The following KISS1 variants were observed in gnomAD, a reference collection of about 807,000 sequenced individuals.
KISS1 encodes KiSS-1 metastasis suppressor, also known as metastasis-suppressor KiSS-1.
For synonymous variants in KISS1, 97 were observed against 88.7 expected (o/e 1.09, Z -0.52); for missense variants, 182 against 182.7 (o/e 1.00, Z 0.02).
intron 1 of KISS1, among the ~76,000 whole-genome samples, chr1:204,193,558 A>G (rs924728211): frequency 3.3e-5 from 5 of 152,194 alleles, no homozygotes; most frequent in African/African-American, 1.2e-4. Context: ...AGAGGCAATC[A>G]TCTTGCTCTC....
intron 1 of KISS1, among the ~76,000 whole-genome samples, chr1:204,194,367 A>G (rs761757334): frequency 8.5e-5 from 13 of 152,218 alleles, no homozygotes; most frequent in Non-Finnish European, 1.5e-4. Flanking sequence ...TTCTGCATTT[A>G]CCTTAAGGCC....
In KISS1 at chr1:204,192,676, T is replaced by G; in HGVS notation, c.103+98A>C. On this transcript the variant is annotated intron_variant, in intron 2 of 2. Coordinates refer to ENST00000367194, the MANE Select transcript of KISS1 (RefSeq NM_002256.4). This position sits in a 1 kb window ranked among gnomAD's most constrained non-coding sequence, Gnocchi z 4.2. ...TCTTAGATTTCCACCAAATGCAATG[T>G]TAAACTCACACCAGTCGACTAGATG... is the stretch of plus-strand genomic sequence containing the variant. The G allele has an allele frequency of 1.3e-6, 1 of 776,496 alleles. No homozygotes were observed. The highest frequency in any genetic ancestry group is 1.5e-5 in the South Asian group (1 of 68,052). 48.1% of individuals were successfully genotyped at this position (776,496 alleles called of 1,614,324 possible).
Position 204,191,850 on chromosome 1 carries a change from T to C in KISS1, c.103+924A>G, listed in dbSNP as rs73071918. On this transcript the variant is annotated intron_variant, in intron 2 of 2. Transcript: ENST00000367194. The stretch of plus-strand genomic sequence containing the variant: ...AGTAAATCACTGTTCAGGCTGCTGT[T>C]GGTGACCTCACCTAAAGCCTTTTGC... Among the ~76,000 whole-genome samples the C allele has an allele frequency of 3.4e-3, 524 of 152,320 alleles. 1 individual carries two copies. The highest frequency in any genetic ancestry group is 0.012 in the African/African-American group (505 of 41,572).
rs1658760349 is a variant in KISS1 at position 204,192,431 on chromosome 1, G to T, written c.103+343C>A. On this transcript the variant is annotated intron_variant, in intron 2 of 2. Transcript: ENST00000367194. This position sits in a 1 kb window ranked among gnomAD's most constrained non-coding sequence, Gnocchi z 4.2. ...CCAAATTCTCCACAAAGAATCTGAGGTCACCGATAAAGCAAGGTTGCATAT... is the reference window on the plus strand; with the variant it reads ...CCAAATTCTCCACAAAGAATCTGAGTTCACCGATAAAGCAAGGTTGCATAT... Among the ~76,000 whole-genome samples the T allele has an allele frequency of 6.6e-6, 1 of 151,592 alleles. No homozygotes were observed. The highest frequency in any genetic ancestry group is 1.5e-5 in the Non-Finnish European group (1 of 67,958).
chr1:204,190,585 C>T lies in KISS1; in HGVS notation c.316G>A (p.Glu106Lys), dbSNP rs1470000470. 1.5e-5 allele frequency: 24 copies of T among 1,601,100 alleles called. No individual in the cohort carries two copies. The highest frequency in any genetic ancestry group is 1.7e-5 in the Non-Finnish European group (20 of 1,174,450). ...APQGAVLVQR[E>K]KDLPNYNWNS... ...CAGTTGTAGTTCGGCAGGTCCTTCT[C>T]CCGCTGCACCAGCACCGCGCCCTGG... Residue 106 changes from glutamate to lysine, a missense_variant, in exon 3 of 3, where the codon GAG becomes AAG. Glu to Lys is a moderately conservative substitution (Grantham distance 56). Coordinates refer to ENST00000367194, the MANE Select transcript of KISS1 (RefSeq NM_002256.4).
In KISS1 at chr1:204,190,649, C is replaced by T. The variant is rs755384119; in HGVS notation, c.252G>A (p.Pro84=). The T allele has an allele frequency of 8.8e-6, 14 of 1,583,984 alleles. No individual in the cohort carries two copies. The highest frequency in any genetic ancestry group is 1.1e-5 in the Non-Finnish European group (13 of 1,165,774). ...PPESSGSPQQ[P]GLSAPHSRQI... ...GGCGGCTGTGGGGGGCGGACAGGCC[C>T]GGCTGCTGGGGGCTCCCGGAGCTCT... Residue 84 remains proline, a synonymous_variant, in exon 3 of 3, where the codon CCG becomes CCA. Transcript: ENST00000367194.
Position 204,196,432 on chromosome 1 carries a change from C to G in KISS1, c.-95G>C, listed in dbSNP as rs1248317860. The G allele has an allele frequency of 2.0e-5, 3 of 152,352 alleles. No individual in the cohort carries two copies. The allele number at this position is 152,352 out of a possible 1,614,324, so 9.4% of individuals were successfully genotyped here. A position where few individuals can be genotyped will look rare whatever the true frequency, so the allele number is the denominator to read the frequency against. ...GGCGGAGCCTCTGAGGTGACGAGAC[C>G]ACCTGGCTGGGTGAATGTCCAGAGG... On this transcript the variant is annotated 5_prime_UTR_variant, in exon 1 of 3. Transcript: ENST00000367194.
chr1:204,196,385 G>C lies in KISS1; in HGVS notation c.-48C>G, dbSNP rs533701533. On this transcript the variant is annotated 5_prime_UTR_variant, in exon 1 of 3. Transcript: ENST00000367194. ...ACTGCAGTGTGCCTACCTTGCCTCA[G>C]TCCTGGCCTGGGCAGGAGTCTGGCG... The C allele has an allele frequency of 7.2e-5, 11 of 152,472 alleles. No homozygotes were observed. Among genetic ancestry groups the C allele is most frequent in the African/African-American group, 2.4e-4 (10 of 41,586 alleles). The allele number at this position is 152,472 out of a possible 1,614,324, so 9.4% of individuals were successfully genotyped here.
In KISS1 at chr1:204,190,757, C is replaced by T; in HGVS notation, c.144G>A (p.Glu48=). The change falls in exon 3 of 3, where the codon GAG becomes GAA. Residue 48 remains glutamate (E), a synonymous_variant. Coordinates refer to ENST00000367194, the MANE Select transcript of KISS1 (RefSeq NM_002256.4). ...TCCTCTCGGTGCACGGCAGGCTCTG[C>T]TCCCCGGGGGCCAGGAGGCCCAGGG... ...LESLGLLAPG[E]QSLPCTERKP... 1 of 1,611,504 alleles carries T rather than the reference C, an allele frequency of 6.2e-7. No homozygotes were observed. The highest frequency in any genetic ancestry group is 8.5e-7 in the Non-Finnish European group (1 of 1,179,594).
At chr1:204,195,659 C>A (rs1276056152) in intron 1 of KISS1, among the ~76,000 whole-genome samples, 1 of 151,088 alleles carries the variant, frequency 6.6e-6, no homozygotes, top group Admixed American at 6.6e-5. Flanking sequence ...ACCACATACA[C>A]CACACATGCG....
In KISS1 at chr1:204,190,595, C is replaced by A; in HGVS notation, c.306G>T (p.Leu102=). Residue 102 remains leucine (L), a synonymous_variant, in exon 3 of 3, where the codon CTG becomes CTT. Transcript: ENST00000367194. The part of the protein sequence containing the change: ...RQIPAPQGAV[L]VQREKDLPNY... ...TCGGCAGGTCCTTCTCCCGCTGCAC[C>A]AGCACCGCGCCCTGGGGTGCGGGGA... is the stretch of plus-strand genomic sequence containing the variant. The A allele has an allele frequency of 6.3e-7, 1 of 1,597,094 alleles. No individual in the cohort carries two copies. Among genetic ancestry groups the A allele is most frequent in the Non-Finnish European group, 8.5e-7 (1 of 1,172,240 alleles).
rs528270134 is a variant in KISS1, at chr1:204,192,548, A to G, written c.103+226T>C. On this transcript the variant is annotated intron_variant, in intron 2 of 2. Transcript: ENST00000367194. The surrounding 1 kb of genome is among the most constrained non-coding windows in gnomAD (Gnocchi z 4.2). ...ACCATGAAAGAGCTCAAGGGTTAAT[A>G]AGCCCTGGAACCTAGGTGGGCGGAC... Among the ~76,000 whole-genome samples the G allele has an allele frequency of 1.6e-4, 24 of 152,310 alleles. No individual in the cohort carries two copies. The highest frequency in any genetic ancestry group is 5.1e-4 in the African/African-American group (21 of 41,568).
Position 204,192,860 on chromosome 1 carries a change from G to A in KISS1, c.17C>T (p.Ser6Phe). The A allele has an allele frequency of 6.3e-7, 1 of 1,591,258 alleles. No individual in the cohort carries two copies. Among genetic ancestry groups the A allele is most frequent in the South Asian group, 1.1e-5 (1 of 87,824 alleles). Reference sequence around the variant, plus strand: ...ACAGAGGAAAAGCAGTAGCTGCCAAGAAACCAGTGAGTTCATCTTGGTGAG... The same window carrying A: ...ACAGAGGAAAAGCAGTAGCTGCCAAAAAACCAGTGAGTTCATCTTGGTGAG... Reference protein sequence around the residue: MNSLVSWQLLLFLCAT... With the variant: MNSLVFWQLLLFLCAT... Residue 6 changes from serine (S) to phenylalanine (F), a missense_variant, in exon 2 of 3, where the codon TCT becomes TTT. By Grantham distance (155) the Ser-to-Phe change is radical (BLOSUM62 -2). Coordinates refer to ENST00000367194, the MANE Select transcript of KISS1 (RefSeq NM_002256.4). This position sits in a 1 kb window ranked among gnomAD's most constrained non-coding sequence, Gnocchi z 4.2.
Position 204,190,577 on chromosome 1 carries a change from G to A in KISS1, c.324C>T (p.Asp108=). ...QGAVLVQREK[D]LPNYNWNSFG... is the part of the protein sequence containing the mutation. ...AGGAGTTCCAGTTGTAGTTCGGCAG[G>A]TCCTTCTCCCGCTGCACCAGCACCG... Residue 108 remains aspartate (D), a synonymous_variant, in exon 3 of 3, where the codon GAC becomes GAT. Coordinates refer to ENST00000367194, the MANE Select transcript of KISS1 (RefSeq NM_002256.4). 17 of 1,604,200 alleles carry A rather than the reference G, an allele frequency of 1.1e-5. No homozygotes were observed. Among genetic ancestry groups the A allele is most frequent in the Non-Finnish European group, 1.4e-5 (17 of 1,175,994 alleles).
intron 1 of KISS1, among the ~76,000 whole-genome samples, chr1:204,195,339 C>T (rs1211699521): frequency 4.8e-4 from 31 of 64,138 alleles, no homozygotes; most frequent in East Asian, 1.1e-3. Flanking sequence ...ACACCACACA[C>T]GCATACACAC....
intron 1 of KISS1, 137 bp downstream of exon 1, chr1:204,196,239 G>A (rs1419683028): frequency 6.6e-6 from 1 of 152,320 alleles, no homozygotes; most frequent in Admixed American, 6.5e-5. Flanking sequence ...AAACAGGAAA[G>A]ATCAGTGTCT....
At chr1:204,195,286 CCA>C (rs1388742463) in intron 1 of KISS1, among the ~76,000 whole-genome samples, 6 of 86,626 alleles carry the variant, frequency 6.9e-5, no homozygotes, top group Non-Finnish European at 1.4e-4. Flanking sequence ...ACCACACACA[CCA>C]CACACATACA....
chr1:204,195,197 C>CATACACCCATG (rs1558254530), intron 1 of KISS1, among the ~76,000 whole-genome samples: 1 of 18,510 alleles, frequency 5.4e-5, no homozygotes, highest in African/African-American at 2.1e-4. Flanking sequence ...CACACACACA[C>CATACACCCATG]CACACACATA....
chr1:204,194,933 G>A (rs1255093802), intron 1 of KISS1, among the ~76,000 whole-genome samples: 38 of 152,058 alleles, frequency 2.5e-4, no homozygotes, highest in Admixed American at 2.5e-3. Context: ...AGGGGTCTGA[G>A]CCAGACAGGA....
Sources: allele counts gnomAD v4.1 joint callset (sites outside exome capture counted in the v4.1 genomes callset), GRCh38; gene constraint gnomAD v4.1.1; non-coding constraint Gnocchi (gnomAD v3.1); transcripts MANE v1.5; gene names NCBI Gene and HGNC (gene_info 2026-07-23, HGNC 2026-07-21).